The following NTM variants were observed in gnomAD, a reference collection of about 807,000 sequenced individuals.
NTM encodes neurotrimin, also known as IgLON family member 2.
In NTM, 13 loss-of-function variants were observed where a neutral mutation model predicts 42.1. The observed-to-expected ratio is 0.31, with a 90% confidence interval of 0.20 to 0.49. NTM has a LOEUF of 0.49. Ranked by LOEUF, NTM falls within the 20% of genes least tolerant of loss-of-function variation. NTM has a pLI of 0.99. For synonymous variants in NTM, 187 were observed against 179.2 expected (o/e 1.04, Z -0.35); for missense variants, 373 against 452.8 (o/e 0.82, Z 1.60).
chr11:131,779,785 A>G (rs754234913), intron 1 of NTM, among the ~76,000 whole-genome samples: 3 of 152,192 alleles, frequency 2.0e-5, no homozygotes, highest in East Asian at 3.9e-4. Context: ...AAGAAAAGCT[A>G]TAGGAGTAAT....
chr11:132,247,611 G>A (rs2091366606), intron 4 of NTM, among the ~76,000 whole-genome samples: 1 of 152,104 alleles, frequency 6.6e-6, no homozygotes, highest in Non-Finnish European at 1.5e-5. Context: ...AGATTCAGAA[G>A]GAAAATATCA....
At chr11:131,772,536 A>C (rs2086276372) in intron 1 of NTM, among the ~76,000 whole-genome samples, 1 of 152,190 alleles carries the variant, frequency 6.6e-6, no homozygotes, top group Admixed American at 6.5e-5. Context: ...GACAACCAGC[A>C]AGAAAACAGG....
At position 132,270,457 on chromosome 11, in the gene NTM, G is replaced by C. The variant is rs542239829; in HGVS notation, c.527-37232G>C. On this transcript the variant is annotated intron_variant, in intron 4 of 8. Transcript: ENST00000683400. ...TTAGCCAGGCTGGTCTTGAACTCCT[G>C]ACCTCAAGTGATCAGCCGATCTTGG... 2.6e-5 allele frequency among the ~76,000 whole-genome samples: 4 copies of C among 152,108 alleles called. No individual in the cohort carries two copies. The South Asian group carries it at 8.3e-4, about 32-fold the overall frequency.
At chr11:131,833,579 C>T (rs867947370) in intron 1 of NTM, among the ~76,000 whole-genome samples, 1 of 152,178 alleles carries the variant, frequency 6.6e-6, no homozygotes, top group South Asian at 2.1e-4. Context: ...TGAGTCAGGA[C>T]GTGACTGTCA....
chr11:131,501,680 C>T (rs73026105), intron 1 of NTM, among the ~76,000 whole-genome samples: 14,863 of 152,190 alleles, frequency 0.098, 936 homozygotes, highest in Non-Finnish European at 0.14. Context: ...GAAAGCAATG[C>T]AAAATTGGGT....
At chr11:131,796,974 C>T (rs1591924014) in intron 1 of NTM, among the ~76,000 whole-genome samples, 1 of 152,178 alleles carries the variant, frequency 6.6e-6, no homozygotes, top group Admixed American at 6.5e-5. Flanking sequence ...ATAGAAATAT[C>T]TTTCTTCCTT....
intron 1 of NTM, among the ~76,000 whole-genome samples, chr11:131,693,498 G>A (rs1176579876): frequency 6.6e-6 from 1 of 152,146 alleles, no homozygotes; most frequent in Admixed American, 6.5e-5. Flanking sequence ...TTCCAAACAC[G>A]AAGGAGACTC....
intron 8 of NTM, among the ~76,000 whole-genome samples, chr11:132,331,729 T>A (rs2095803498): frequency 6.6e-6 from 1 of 152,102 alleles, no homozygotes; most frequent in Non-Finnish European, 1.5e-5. Flanking sequence ...ACTAGTGGGA[T>A]GTGTATGGCA....
chr11:132,333,584 G>A (rs181842788), intron 8 of NTM, among the ~76,000 whole-genome samples: 1 of 152,294 alleles, frequency 6.6e-6, no homozygotes, highest in African/African-American at 2.4e-5. Context: ...TTGGTCACCT[G>A]TATCCTAGCA....
chr11:131,711,009 T>C (rs1355559832), intron 1 of NTM, among the ~76,000 whole-genome samples: 1 of 152,132 alleles, frequency 6.6e-6, no homozygotes, highest in African/African-American at 2.4e-5. Flanking sequence ...TTCTCTCTCC[T>C]TATTCTCTCA....
chr11:131,606,533 G>A (rs1268223125), intron 1 of NTM, among the ~76,000 whole-genome samples: 2 of 152,220 alleles, frequency 1.3e-5, no homozygotes, highest in African/African-American at 4.8e-5. Context: ...ACTGGACAGC[G>A]ATGACAGTAA....
intron 1 of NTM, among the ~76,000 whole-genome samples, chr11:131,598,053 C>G (rs927094952): frequency 6.6e-6 from 1 of 152,198 alleles, no homozygotes; most frequent in African/African-American, 2.4e-5. Context: ...CTCCTTCAGG[C>G]TCCATGGAGG....
chr11:132,202,953 G>C (rs1012545509), intron 3 of NTM, among the ~76,000 whole-genome samples: 7 of 152,120 alleles, frequency 4.6e-5, no homozygotes, highest in African/African-American at 1.7e-4. Context: ...ATGACAAAAG[G>C]GTTCTGGTGA....
chr11:131,962,453 C>A (rs1308783328), intron 2 of NTM, among the ~76,000 whole-genome samples: 1 of 152,112 alleles, frequency 6.6e-6, no homozygotes, highest in Non-Finnish European at 1.5e-5. Context: ...GGAATTAGTG[C>A]CTTTATACGA....
chr11:131,546,850 CTG>C (rs2054012080), intron 1 of NTM: 1 of 152,312 alleles, frequency 6.6e-6, no homozygotes, highest in African/African-American at 2.4e-5. Flanking sequence ...GCTTCTCAAA[CTG>C]TACCTTTTGT....
At chr11:131,926,303 C>T (rs191139614) in intron 2 of NTM, among the ~76,000 whole-genome samples, 35 of 152,068 alleles carry the variant, frequency 2.3e-4, no homozygotes, top group African/African-American at 6.8e-4. Flanking sequence ...AACCAGCTGT[C>T]GGAAAACAAA....
intron 4 of NTM, among the ~76,000 whole-genome samples, chr11:132,278,188 T>G (rs540500735): frequency 6.6e-6 from 1 of 152,330 alleles, no homozygotes; most frequent in Non-Finnish European, 1.5e-5. Context: ...TGGCCTCTGT[T>G]GTACTTAGCT....
chr11:131,742,592 G>A (rs2081326111), intron 1 of NTM, among the ~76,000 whole-genome samples: 1 of 143,748 alleles, frequency 7.0e-6, no homozygotes, highest in Non-Finnish European at 1.5e-5. Flanking sequence ...GCTGTTTCCA[G>A]TATTAAAGAG....
intron 4 of NTM, among the ~76,000 whole-genome samples, chr11:132,240,252 TG>T (rs2089967504): frequency 1.3e-5 from 2 of 152,248 alleles, no homozygotes; most frequent in Non-Finnish European, 2.9e-5. Context: ...TACCATTTGG[TG>T]GTGCATTTTA....
Sources: allele counts gnomAD v4.1 joint callset (sites outside exome capture counted in the v4.1 genomes callset), GRCh38; gene constraint gnomAD v4.1.1; transcripts MANE v1.5; gene names NCBI Gene and HGNC (gene_info 2026-07-23, HGNC 2026-07-21).